CDKAL1: variants seen among roughly 807,000 people sequenced by gnomAD.
CDKAL1 encodes threonylcarbamoyladenosine tRNA methylthiotransferase.
Under a neutral mutation model 68.2 loss-of-function variants are expected in CDKAL1, and 32 were observed. That is an observed-to-expected ratio of 0.47 (90% CI 0.35 to 0.63). CDKAL1 has a LOEUF of 0.63. Among genes scored for constraint, CDKAL1 ranks in the 30% least tolerant of loss-of-function variants. The probability of loss-of-function intolerance (pLI) is 0.00; values close to 1 mark genes in which losing one functional copy is unlikely to be tolerated. For missense variants in CDKAL1, 606 were observed against 696.7 expected, an observed-to-expected ratio of 0.87 and a Z score of 1.47; for synonymous variants, 234 against 244.3, an observed-to-expected ratio of 0.96 and a Z score of 0.39.
At chr6:20,716,482 G>A (rs1246328102) in intron 5 of CDKAL1, among the ~76,000 whole-genome samples, 2 of 152,062 alleles carry the variant, frequency 1.3e-5, no homozygotes, top group African/African-American at 4.8e-5. Context: ...AGATGAGAAG[G>A]GCTTGGATTT....
At chr6:21,053,632 AT>A (rs199656082) in intron 11 of CDKAL1, among the ~76,000 whole-genome samples, 1,501 of 149,216 alleles carry the variant, frequency 0.01, 27 homozygotes, top group African/African-American at 0.035. Flanking sequence ...AATATCTGTT[AT>A]TTTTTTTTTC....
chr6:20,675,735 A>T (rs1770061470), intron 5 of CDKAL1, among the ~76,000 whole-genome samples: 1 of 152,206 alleles, frequency 6.6e-6, no homozygotes. Context: ...TTACTGGTTT[A>T]TGCACTTAAT....
chr6:20,979,643 G>T (rs1766009054), intron 10 of CDKAL1, among the ~76,000 whole-genome samples: 1 of 152,148 alleles, frequency 6.6e-6, no homozygotes, highest in Non-Finnish European at 1.5e-5. Flanking sequence ...GTCTAAGTCT[G>T]GGAGCGGAGT....
At chr6:20,727,411 G>T (rs180674385) in intron 5 of CDKAL1, among the ~76,000 whole-genome samples, 1 of 152,106 alleles carries the variant, frequency 6.6e-6, no homozygotes, top group Non-Finnish European at 1.5e-5. Flanking sequence ...TTAGAATTTG[G>T]GGCTTATATC....
rs142229062 is a variant in CDKAL1 at position 21,200,497 on chromosome 6, G to A, written c.1384-613G>A. On this transcript the variant is annotated intron_variant, in intron 14 of 15. Transcript: ENST00000274695. Reference sequence around the variant, plus strand: ...CTCAAAACACAGCACACACATGCACGGACACAAACACGCAGGCCTGTTTGA... The same window carrying A: ...CTCAAAACACAGCACACACATGCACAGACACAAACACGCAGGCCTGTTTGA... 5.3e-5 allele frequency among the ~76,000 whole-genome samples: 8 copies of A among 152,240 alleles called. No individual in the cohort carries two copies. The East Asian group carries it at 1.3e-3, about 26-fold the overall frequency.
chr6:20,741,425 C>CTTT lies in CDKAL1; in HGVS notation c.468+1812_468+1814dup, dbSNP rs574412768. ...TTATTTTATCACCTAGGTACTAAGC[C>CTTT]TTTTACTCATTAGTTATTTTTCCTG... On this transcript the variant is annotated intron_variant, in intron 6 of 15. Transcript: ENST00000274695. Among the ~76,000 whole-genome samples, 265 of 152,040 alleles carry CTTT rather than the reference C, an allele frequency of 1.7e-3. 2 individuals are homozygous for CTTT. The highest frequency in any genetic ancestry group is 6.3e-3 in the African/African-American group (260 of 41,488).
chr6:20,992,610 T>C (rs1323108391), intron 10 of CDKAL1, among the ~76,000 whole-genome samples: 2 of 152,108 alleles, frequency 1.3e-5, no homozygotes, highest in Non-Finnish European at 2.9e-5. Flanking sequence ...GAAATAAGGC[T>C]AGGCATGGTG....
chr6:20,571,036 G>A (rs1345792177), intron 4 of CDKAL1, among the ~76,000 whole-genome samples: 2 of 152,150 alleles, frequency 1.3e-5, no homozygotes, highest in Non-Finnish European at 2.9e-5. Flanking sequence ...CACCCTCACT[G>A]GGGAGGAATT....
chr6:21,179,283 A>G (rs1161432883), intron 13 of CDKAL1, among the ~76,000 whole-genome samples: 3 of 152,082 alleles, frequency 2.0e-5, no homozygotes, highest in Non-Finnish European at 2.9e-5. Flanking sequence ...AAAACAAATT[A>G]CCCCAAATCA....
intron 12 of CDKAL1, among the ~76,000 whole-genome samples, chr6:21,101,988 T>A (rs1773598700): frequency 6.6e-6 from 1 of 152,232 alleles, no homozygotes; most frequent in Non-Finnish European, 1.5e-5. Flanking sequence ...CTTCTCATAC[T>A]GTCTTCAGCT....
At chr6:20,591,625 G>A (rs1765597346) in intron 4 of CDKAL1, among the ~76,000 whole-genome samples, 1 of 152,148 alleles carries the variant, frequency 6.6e-6, no homozygotes, top group African/African-American at 2.4e-5. Flanking sequence ...TTATTAAATA[G>A]GGAATCCTTT....
At chr6:21,131,108 T>C (rs1775299636) in intron 13 of CDKAL1, among the ~76,000 whole-genome samples, 1 of 152,214 alleles carries the variant, frequency 6.6e-6, no homozygotes, top group African/African-American at 2.4e-5. Flanking sequence ...ATTACGTATA[T>C]GTCTGTGCTT....
intron 12 of CDKAL1, among the ~76,000 whole-genome samples, chr6:21,092,674 GGAGT>G: frequency 6.6e-6 from 1 of 151,142 alleles, no homozygotes; most frequent in Middle Eastern, 3.4e-3. Context: ...GAATAGGAAT[GGAGT>G]GAGAGAGAAA....
chr6:21,210,917 C>T (rs1779126029), intron 15 of CDKAL1, among the ~76,000 whole-genome samples: 1 of 152,222 alleles, frequency 6.6e-6, no homozygotes, highest in Non-Finnish European at 1.5e-5. Flanking sequence ...CGCCTCTGCT[C>T]CACCTCCCCC....
chr6:21,074,001 A>G (rs189339124), intron 12 of CDKAL1, among the ~76,000 whole-genome samples: 7 of 152,274 alleles, frequency 4.6e-5, no homozygotes, highest in Admixed American at 6.5e-5. Context: ...TCAAGAGCCA[A>G]TATTCTGGGA....
chr6:20,667,794 A>G (rs1333106165), intron 5 of CDKAL1, among the ~76,000 whole-genome samples: 2 of 152,168 alleles, frequency 1.3e-5, no homozygotes, highest in Non-Finnish European at 2.9e-5. Context: ...GACTAATAGC[A>G]AAATTGTAAA....
intron 11 of CDKAL1, among the ~76,000 whole-genome samples, chr6:21,031,691 AT>A (rs1769299376): frequency 6.6e-6 from 1 of 152,034 alleles, no homozygotes; most frequent in South Asian, 2.1e-4. Context: ...TGTTTCCATG[AT>A]GTAACTGGCT....
At chr6:21,051,758 A>C (rs1435220525) in intron 11 of CDKAL1, among the ~76,000 whole-genome samples, 1 of 152,232 alleles carries the variant, frequency 6.6e-6, no homozygotes, top group Non-Finnish European at 1.5e-5. Context: ...ACAATAATAA[A>C]GCCAATACAT....
At chr6:21,103,935 G>A (rs1471079865) in intron 12 of CDKAL1, among the ~76,000 whole-genome samples, 7 of 152,158 alleles carry the variant, frequency 4.6e-5, no homozygotes, top group East Asian at 1.9e-4. Flanking sequence ...TCAGCTTTTC[G>A]TTTCAGTTAA....
Sources: allele counts gnomAD v4.1 joint callset (sites outside exome capture counted in the v4.1 genomes callset), GRCh38; gene constraint gnomAD v4.1.1; transcripts MANE v1.5; gene names NCBI Gene and HGNC (gene_info 2026-07-23, HGNC 2026-07-21).